The following SLC45A2 variants were observed in gnomAD, a reference collection of about 807,000 sequenced individuals.
SLC45A2 encodes the protein membrane-associated transporter protein.
Under a neutral mutation model 45.5 loss-of-function variants are expected in SLC45A2, and 36 were observed. The observed-to-expected ratio is 0.79, with a 90% CI of 0.61 to 1.04. The LOEUF (loss-of-function observed/expected upper bound fraction) is 1.04. SLC45A2 is among the 50% of genes least tolerant of loss of function. SLC45A2 has a pLI of 0.00. For synonymous variants in SLC45A2, 306 were observed against 269.3 expected, an observed-to-expected ratio of 1.14 and a Z score of -1.33; for missense variants, 719 against 671.0, an observed-to-expected ratio of 1.07 and a Z score of -0.79.
rs1046253791 is a variant in SLC45A2 at position 33,963,822 on chromosome 5, G to C, written c.757C>G (p.Gln253Glu). Residue 253 changes from glutamine (Q) to glutamate (E), a missense_variant, in exon 3 of 7, where the codon CAA becomes GAA. Coordinates refer to ENST00000296589, the MANE Select transcript of SLC45A2 (RefSeq NM_016180.5). Reference sequence around the variant, plus strand: ...GACAATGGAGGGTCCTGAGGGGTTTGCTGTGGGGGAATGCCCTTTGCAACC... The same window carrying C: ...GACAATGGAGGGTCCTGAGGGGTTTCCTGTGGGGGAATGCCCTTTGCAACC... ...TEVAKGIPPQQTPQDPPLSSD... is the reference protein window; with the variant it reads ...TEVAKGIPPQETPQDPPLSSD... The C allele has an allele frequency of 2.5e-6, 4 of 1,614,162 alleles. No homozygotes were observed. Among genetic ancestry groups the C allele is most frequent in the Admixed American group, 1.7e-5 (1 of 60,022 alleles).
At chr5:33,957,129 G>T (rs1371144377) in intron 3 of SLC45A2, among the ~76,000 whole-genome samples, 1 of 152,094 alleles carries the variant, frequency 6.6e-6, no homozygotes, top group East Asian at 1.9e-4. Context: ...TACAAAAAAT[G>T]ATAATAGCTT....
chr5:33,982,984 C>G (rs975532519), intron 1 of SLC45A2, among the ~76,000 whole-genome samples: 2 of 152,208 alleles, frequency 1.3e-5, no homozygotes, highest in Non-Finnish European at 2.9e-5. Context: ...TTCTCAAAGT[C>G]TGGCATATTG....
intron 2 of SLC45A2, among the ~76,000 whole-genome samples, chr5:33,976,177 A>G (rs1332621953): frequency 6.6e-6 from 1 of 152,142 alleles, no homozygotes; most frequent in East Asian, 1.9e-4. Flanking sequence ...CTAAGCATAT[A>G]CCAAGTGCTG....
At chr5:33,967,961 G>T (rs942129526) in intron 2 of SLC45A2, among the ~76,000 whole-genome samples, 6 of 148,284 alleles carry the variant, frequency 4.0e-5, no homozygotes, top group African/African-American at 1.5e-4. Context: ...CTTAGGGAAG[G>T]GGGTAAAAAA....
intron 2 of SLC45A2, among the ~76,000 whole-genome samples, chr5:33,973,584 A>G (rs1752845142): frequency 6.6e-6 from 1 of 152,202 alleles, no homozygotes; most frequent in Admixed American, 6.5e-5. Flanking sequence ...TTAGCCCTTA[A>G]TTATTTGCTA....
At chr5:33,951,436 T>C (rs762010152) in intron 5 of SLC45A2, 118 bp downstream of exon 5, 3 of 1,598,684 alleles carry the variant, frequency 1.9e-6, no homozygotes, top group African/African-American at 1.3e-5. Flanking sequence ...CTGACGTCCA[T>C]AGATTTATTA....
chr5:33,959,548 AATGACCTC>A (rs1752383281), intron 3 of SLC45A2, among the ~76,000 whole-genome samples: 1 of 152,186 alleles, frequency 6.6e-6, no homozygotes. Context: ...GCTTTATCCC[AATGACCTC>A]TTAGTTCCTC....
intron 4 of SLC45A2, among the ~76,000 whole-genome samples, chr5:33,952,799 T>A (rs1434472643): frequency 7.3e-6 from 1 of 136,454 alleles, no homozygotes; most frequent in Non-Finnish European, 1.6e-5. Context: ...CCCACTAACA[T>A]GTCATCTAGC....
chr5:33,979,853 G>A (rs1753024751), intron 2 of SLC45A2, among the ~76,000 whole-genome samples: 1 of 152,144 alleles, frequency 6.6e-6, no homozygotes, highest in Admixed American at 6.5e-5. Flanking sequence ...TCAGTTAGCT[G>A]GGGGTTAGAA....
chr5:33,966,530 T>G (rs1422163679), intron 2 of SLC45A2, among the ~76,000 whole-genome samples: 3 of 149,554 alleles, frequency 2.0e-5, no homozygotes, highest in Admixed American at 6.7e-5. Context: ...AAGCTCCGCT[T>G]CCCGGGTTCA....
intron 2 of SLC45A2, among the ~76,000 whole-genome samples, chr5:33,967,638 G>A (rs1752636278): frequency 6.6e-6 from 1 of 152,186 alleles, no homozygotes; most frequent in Non-Finnish European, 1.5e-5. Flanking sequence ...TAAAATTAAG[G>A]TAGTTTGCAG....
intron 5 of SLC45A2, among the ~76,000 whole-genome samples, chr5:33,950,787 G>A (rs896095421): frequency 6.6e-6 from 1 of 152,248 alleles, no homozygotes; most frequent in Non-Finnish European, 1.5e-5. Context: ...TCTTGCAGAA[G>A]AAGAGCTCTT....
chr5:33,970,453 A>G (rs868287714), intron 2 of SLC45A2, among the ~76,000 whole-genome samples: 2 of 152,348 alleles, frequency 1.3e-5, no homozygotes, highest in Middle Eastern at 3.4e-3. Context: ...CTTGCTCTCT[A>G]GAATCCCTTC....
intron 2 of SLC45A2, among the ~76,000 whole-genome samples, chr5:33,970,428 C>T (rs989158537): frequency 2.0e-5 from 3 of 152,226 alleles, no homozygotes; most frequent in Non-Finnish European, 4.4e-5. Flanking sequence ...TGTTCCTGTC[C>T]ACCATTTCCT....
rs772999379 is a variant in SLC45A2 at position 33,982,426 on chromosome 5, A to C, written c.386-14T>G. 6.2e-7 allele frequency: 1 copy of C among 1,613,212 alleles called. No individual in the cohort carries two copies. Among genetic ancestry groups the C allele is most frequent in the Non-Finnish European group, 8.5e-7 (1 of 1,179,388 alleles). Reference sequence around the variant, plus strand: ...TAGCAATCAAAGCTAAAAGAAAAATAAACATTGGTCTCCTAAATCCTGTTT... The same window carrying C: ...TAGCAATCAAAGCTAAAAGAAAAATCAACATTGGTCTCCTAAATCCTGTTT... On this transcript the variant is annotated splice_polypyrimidine_tract_variant and intron_variant, in intron 1 of 6. Transcript: ENST00000296589.
Position 33,975,061 on chromosome 5 carries a change from G to A in SLC45A2, c.562+7175C>T, listed in dbSNP as rs570206686. 2.0e-5 allele frequency among the ~76,000 whole-genome samples: 3 copies of A among 150,804 alleles called. No individual in the cohort carries two copies. The South Asian group carries it at 6.2e-4, about 31-fold the overall frequency. ...ACTCCACTGCACTGTCCTAAAAGAG[G>A]AAGATGTTTTAAGTTGTTTTTCTAG... On this transcript the variant is annotated intron_variant, in intron 2 of 6. Coordinates refer to ENST00000296589, the MANE Select transcript of SLC45A2 (RefSeq NM_016180.5).
chr5:33,948,121 T>C (rs994830921), intron 5 of SLC45A2, among the ~76,000 whole-genome samples: 14 of 152,168 alleles, frequency 9.2e-5, no homozygotes. Context: ...TGAGATGAAG[T>C]GTCTATGAAA....
chr5:33,962,425 T>C (rs989463776), intron 3 of SLC45A2, among the ~76,000 whole-genome samples: 7 of 152,304 alleles, frequency 4.6e-5, no homozygotes, highest in African/African-American at 1.7e-4. Context: ...TCCTAGAAAA[T>C]AGACTGGCCA....
At chr5:33,979,779 A>G (rs1753022629) in intron 2 of SLC45A2, among the ~76,000 whole-genome samples, 1 of 152,234 alleles carries the variant, frequency 6.6e-6, no homozygotes, top group Non-Finnish European at 1.5e-5. Context: ...ACCCATTCCC[A>G]TCATGGCCTA....
Sources: allele counts gnomAD v4.1 joint callset (sites outside exome capture counted in the v4.1 genomes callset), GRCh38; gene constraint gnomAD v4.1.1; transcripts MANE v1.5; gene names NCBI Gene and HGNC (gene_info 2026-07-23, HGNC 2026-07-21).